FERRY3: variants seen among roughly 807,000 people sequenced by gnomAD.
FERRY3 encodes the protein protein C12orf4.
the FERRY3 span, among the ~76,000 whole-genome samples, chr12:4,536,495 T>C: frequency 4.0e-5 from 6 of 151,428 alleles, no homozygotes; most frequent in African/African-American, 1.2e-4. Flanking sequence ...TTCTCAATAA[T>C]AGGGAAGGAC....
At chr12:4,523,782 G>A in the FERRY3 span, among the ~76,000 whole-genome samples, 3 of 152,090 alleles carry the variant, frequency 2.0e-5, no homozygotes, top group Non-Finnish European at 4.4e-5. Context: ...ACACAGGGCG[G>A]GGAACATCAC....
At chr12:4,525,679 A>G in the FERRY3 span, 1 of 872,444 alleles carries the variant, frequency 1.1e-6, no homozygotes, top group Non-Finnish European at 1.7e-6. Flanking sequence ...GTGAAAATAA[A>G]AAATTTATTT....
the FERRY3 span, among the ~76,000 whole-genome samples, chr12:4,509,656 A>C: frequency 3.5e-4 from 50 of 143,776 alleles, 3 homozygotes; most frequent in Non-Finnish European, 5.9e-4. Context: ...CTCACACGGC[A>C]GGGTATTCCA....
the FERRY3 span, among the ~76,000 whole-genome samples, chr12:4,528,852 A>G: frequency 6.6e-6 from 1 of 151,524 alleles, no homozygotes; most frequent in Non-Finnish European, 1.5e-5. Context: ...GGAACAAACC[A>G]GCACATCTTT....
the FERRY3 span, among the ~76,000 whole-genome samples, chr12:4,511,583 TCTCA>T: frequency 6.7e-6 from 1 of 148,392 alleles, no homozygotes; most frequent in Admixed American, 6.7e-5. Flanking sequence ...GGATTAAGAA[TCTCA>T]CTCAAAGCCG....
At chr12:4,534,639 G>C in the FERRY3 span, among the ~76,000 whole-genome samples, 2 of 152,156 alleles carry the variant, frequency 1.3e-5, no homozygotes, top group Non-Finnish European at 2.9e-5. Context: ...GTCAGCTCAA[G>C]TGATTCACCT....
chr12:4,514,006 G>A, the FERRY3 span, among the ~76,000 whole-genome samples: 1 of 150,702 alleles, frequency 6.6e-6, no homozygotes, highest in East Asian at 1.9e-4. Context: ...CTGACAAAGG[G>A]CTAATATCCA....
the FERRY3 span, among the ~76,000 whole-genome samples, chr12:4,498,848 G>C: frequency 6.6e-6 from 1 of 152,166 alleles, no homozygotes; most frequent in Non-Finnish European, 1.5e-5. Context: ...CGCACACGCA[G>C]TTCACAATAG....
the FERRY3 span, among the ~76,000 whole-genome samples, chr12:4,534,806 C>T: frequency 1.7e-4 from 26 of 152,138 alleles, no homozygotes; most frequent in Non-Finnish European, 3.7e-4. Flanking sequence ...TTTTCCTTTA[C>T]TATTACAGGC....
the FERRY3 span, among the ~76,000 whole-genome samples, chr12:4,537,801 T>C: frequency 6.6e-6 from 1 of 152,124 alleles, no homozygotes; most frequent in Non-Finnish European, 1.5e-5. Flanking sequence ...TACATAAAGG[T>C]ATATTCTATG....
the FERRY3 span, among the ~76,000 whole-genome samples, chr12:4,534,754 AT>A: frequency 6.6e-6 from 1 of 152,188 alleles, no homozygotes; most frequent in Non-Finnish European, 1.5e-5. Context: ...TCCAACTAAA[AT>A]GAAATCAGCT....
chr12:4,501,325 A>G, the FERRY3 span, among the ~76,000 whole-genome samples: 1 of 152,074 alleles, frequency 6.6e-6, no homozygotes, highest in African/African-American at 2.4e-5. Flanking sequence ...AATATATATC[A>G]TATTATATCT....
the FERRY3 span, among the ~76,000 whole-genome samples, chr12:4,504,788 AAGTG>A: frequency 6.6e-6 from 1 of 152,186 alleles, no homozygotes; most frequent in African/African-American, 2.4e-5. Context: ...ATCTAGAAAA[AAGTG>A]AGTACTAGTA....
chr12:4,534,319 A>G, the FERRY3 span: 1 of 1,582,734 alleles, frequency 6.3e-7, no homozygotes, highest in Non-Finnish European at 8.6e-7. Flanking sequence ...CAGGGACATC[A>G]AACACCATCG....
chr12:4,523,626 G>A, the FERRY3 span, among the ~76,000 whole-genome samples: 1 of 152,170 alleles, frequency 6.6e-6, no homozygotes, highest in African/African-American at 2.4e-5. Flanking sequence ...ATACTACGCA[G>A]CCATAAAAAA....
At chr12:4,488,782 T>C in the FERRY3 span, 2 of 152,236 alleles carry the variant, frequency 1.3e-5, no homozygotes, top group Non-Finnish European at 2.9e-5. The surrounding 1 kb of genome is among the most constrained non-coding windows in gnomAD (Gnocchi z 4.9). Context: ...GATGAAACTA[T>C]TGCTTTTCTA....
At chr12:4,507,705 T>C in the FERRY3 span, among the ~76,000 whole-genome samples, 1 of 152,206 alleles carries the variant, frequency 6.6e-6, no homozygotes, top group Non-Finnish European at 1.5e-5. Flanking sequence ...AACAGACTAC[T>C]ATGCAACAGC....
At chr12:4,517,175 A>G in the FERRY3 span, 1 of 1,548,164 alleles carries the variant, frequency 6.5e-7, no homozygotes, top group Non-Finnish European at 8.7e-7. Flanking sequence ...CATTCTTGGC[A>G]AACTGTGGCA....
the FERRY3 span, chr12:4,530,089 A>C: frequency 6.4e-7 from 1 of 1,561,138 alleles, no homozygotes; most frequent in African/African-American, 1.4e-5. Flanking sequence ...ATCATGATCT[A>C]GTATTTTTAT....
Sources: allele counts gnomAD v4.1 joint callset (sites outside exome capture counted in the v4.1 genomes callset), GRCh38; gene constraint gnomAD v4.1.1; non-coding constraint Gnocchi (gnomAD v3.1); transcripts MANE v1.5; gene names NCBI Gene and HGNC (gene_info 2026-07-23, HGNC 2026-07-21).